Variants in FHDC1 observed in about 807,000 individuals in gnomAD.
The protein encoded by FHDC1 is FH2 domain-containing protein 1.
FHDC1 carries 25 observed loss-of-function variants against 52.6 expected under a neutral mutation model. The observed-to-expected ratio is 0.48, with a 90% CI of 0.35 to 0.66. The LOEUF (loss-of-function observed/expected upper bound fraction) is 0.66, where lower values mean the gene tolerates loss of function less well. FHDC1 is among the 30% of genes least tolerant of loss of function. The probability of loss-of-function intolerance (pLI) is 0.01; values close to 1 mark genes in which losing one functional copy is unlikely to be tolerated. For synonymous variants in FHDC1, 616 were observed against 581.5 expected (o/e 1.06, Z -0.85); for missense variants, 1,459 against 1,452.8 (o/e 1.00, Z -0.07).
At chr4:152,959,385 T>C (rs1740204790) in intron 4 of FHDC1, among the ~76,000 whole-genome samples, 1 of 152,258 alleles carries the variant, frequency 6.6e-6, no homozygotes, top group Non-Finnish European at 1.5e-5. Flanking sequence ...TTTTTGGCTA[T>C]ATACCTGTTG....
At position 152,974,666 on chromosome 4, in the gene FHDC1, A is replaced by C; in HGVS notation, c.1384-9A>C. The C allele has an allele frequency of 1.3e-6, 2 of 1,505,106 alleles. No individual in the cohort carries two copies. The highest frequency in any genetic ancestry group is 1.4e-5 in the South Asian group (1 of 72,766). The allele number at this position is 1,505,106 out of a possible 1,614,324, so 93.2% of individuals were successfully genotyped here. A position where few individuals can be genotyped will look rare whatever the true frequency, so the allele number is the denominator to read the frequency against. ...CTCATGCATCTTCGGGCTTCTCTCC[A>C]TCCCTCAGGACAACCACGACCGGGA... On this transcript the variant is annotated splice_polypyrimidine_tract_variant and intron_variant, in intron 11 of 11. Coordinates refer to ENST00000511601, the MANE Select transcript of FHDC1 (RefSeq NM_001371116.1).
chr4:152,930,906 CT>C, the FHDC1 span, among the ~76,000 whole-genome samples: 1 of 151,516 alleles, frequency 6.6e-6, no homozygotes, highest in South Asian at 2.1e-4. Flanking sequence ...CTTTGCCCAT[CT>C]TTCTATGTCC....
chr4:152,953,226 A>G (rs2149945628), intron 2 of FHDC1, among the ~76,000 whole-genome samples: 1 of 152,328 alleles, frequency 6.6e-6, no homozygotes, highest in East Asian at 1.9e-4. Context: ...GGTCGGGACC[A>G]TCTGTATATT....
intron 11 of FHDC1, among the ~76,000 whole-genome samples, chr4:152,973,877 G>A (rs943099166): frequency 2.6e-5 from 4 of 152,240 alleles, no homozygotes; most frequent in Non-Finnish European, 4.4e-5. Flanking sequence ...GTGCAGTTTC[G>A]ATGGGAAGGG....
At chr4:152,968,857 C>T (rs1374972375) in intron 10 of FHDC1, among the ~76,000 whole-genome samples, 7 of 152,168 alleles carry the variant, frequency 4.6e-5, no homozygotes, top group African/African-American at 1.7e-4. Context: ...GTCATTTCTT[C>T]ACTTGTTTAT....
In FHDC1 at chr4:152,976,027, C is replaced by G. The variant is rs548547720; in HGVS notation, c.2736C>G (p.Ser912Arg). 61 of 1,561,392 alleles carry G rather than the reference C, an allele frequency of 3.9e-5. No individual in the cohort carries two copies. The highest frequency in any genetic ancestry group is 2.6e-4 in the Admixed American group (13 of 50,918). The change falls in exon 12 of 12, where the codon AGC becomes AGG. Residue 912 changes from serine (S) to arginine (R), a missense_variant. Physicochemically the swap from Ser to Arg is moderately radical, Grantham distance 110. Around this residue, in one of 3 missense-constraint regions of FHDC1, gnomAD observed 939 missense variants for 854.5 expected, o/e 1.10. Coordinates refer to ENST00000511601, the MANE Select transcript of FHDC1 (RefSeq NM_001371116.1). ...AGGTCATGCCCATCACCAAGTCCAG[C>G]AGAGGCGCCGGCTGGAGGCGACCAG... is the stretch of plus-strand genomic sequence containing the variant. ...MRKVMPITKS[S>R]RGAGWRRPEL...
intron 1 of FHDC1, among the ~76,000 whole-genome samples, chr4:152,941,625 C>A (rs1739573817): frequency 6.6e-6 from 1 of 152,180 alleles, no homozygotes; most frequent in Non-Finnish European, 1.5e-5. Flanking sequence ...GCAGTCTATT[C>A]CTAGAATCTC....
At chr4:152,932,982 G>C (rs1306436937), upstream of FHDC1, among the ~76,000 whole-genome samples, 15 of 152,214 alleles carry the variant, frequency 9.9e-5, no homozygotes, top group Admixed American at 8.5e-4. Context: ...CCAGGGAGAG[G>C]GAAGAGCAAG....
At position 152,975,286 on chromosome 4, in the gene FHDC1, A is replaced by C. The variant is rs79729012; in HGVS notation, c.1995A>C (p.Pro665=). 1 of 1,613,600 alleles carries C rather than the reference A, an allele frequency of 6.2e-7. No homozygotes were observed. The highest frequency in any genetic ancestry group is 1.3e-5 in the African/African-American group (1 of 75,044). Residue 665 remains proline (P), a synonymous_variant, in exon 12 of 12, where the codon CCA becomes CCC. Coordinates refer to ENST00000511601, the MANE Select transcript of FHDC1 (RefSeq NM_001371116.1). ...CAGCACAGTCCCCTCCTCTCTCGCC[A>C]TTGGCTCTGGGAATTAAGGAGCATG... The part of the protein sequence containing the change: ...LGSAQSPPLS[P]LALGIKEHEL...
At position 152,963,023 on chromosome 4, in the gene FHDC1, G is replaced by A; in HGVS notation, c.922G>A (p.Gly308Arg). The A allele has an allele frequency of 1.2e-6, 2 of 1,611,770 alleles. No homozygotes were observed. Among genetic ancestry groups the A allele is most frequent in the Middle Eastern group, 3.3e-4 (2 of 6,052 alleles). ...VLQAGNIMNA[G>R]GYAGNAVGFK... ...TTTCTTTTTGATTTGTCTTCTTTAG[G>A]GAGGGTATGCCGGCAATGCAGTAGG... The change falls in exon 8 of 12, where the codon GGA (glycine) becomes AGA (arginine). Residue 308 changes from glycine (G) to arginine (R), a missense_variant and splice_region_variant. This residue lies in a region of FHDC1 where 513 missense variants were observed against 581.5 expected (regional missense o/e 0.88). Coordinates refer to ENST00000511601, the MANE Select transcript of FHDC1 (RefSeq NM_001371116.1).
At chr4:152,919,056 G>C in the FHDC1 span, among the ~76,000 whole-genome samples, 3 of 152,332 alleles carry the variant, frequency 2.0e-5, no homozygotes, top group East Asian at 3.9e-4. Flanking sequence ...AGCCCTCCTC[G>C]TGCTTTGCAC....
At position 152,975,933 on chromosome 4, in the gene FHDC1, G is replaced by A. The variant is rs867998095; in HGVS notation, c.2642G>A (p.Arg881Gln). ...GGGGCCTCCAAGCCCGGGAGCGCCC[G>A]GCGGAGCCAGGGGGCAGTGGCCAAG... ...SPGASKPGSA[R>Q]RSQGAVAKSV... The change falls in exon 12 of 12, where the codon CGG (arginine) becomes CAG (glutamine). Residue 881 changes from arginine to glutamine, a missense_variant. Arg to Gln is a conservative substitution (Grantham distance 43). Transcript: ENST00000511601. The A allele has an allele frequency of 7.9e-6, 12 of 1,514,038 alleles. No homozygotes were observed. The Middle Eastern group carries it at 5.4e-4, about 68-fold the overall frequency. The allele number at this position is 1,514,038 out of a possible 1,614,324, so 93.8% of individuals were successfully genotyped here. A position where few individuals can be genotyped will look rare whatever the true frequency, so the allele number is the denominator to read the frequency against.
chr4:152,930,997 A>ACACACACACTCTCTCT, the FHDC1 span, among the ~76,000 whole-genome samples: 3 of 113,146 alleles, frequency 2.7e-5, no homozygotes, highest in African/African-American at 1.0e-4. Context: ...ACACACACAC[A>ACACACACACTCTCTCT]CTCTCTCTCT....
chr4:152,953,507 T>C lies in FHDC1; in HGVS notation c.507T>C (p.Ile169=). 1 of 1,612,496 alleles carries C rather than the reference T, an allele frequency of 6.2e-7. No individual in the cohort carries two copies. Among genetic ancestry groups the C allele is most frequent in the South Asian group, 1.1e-5 (1 of 91,030 alleles). Residue 169 remains isoleucine, a synonymous_variant, in exon 3 of 12, where the codon ATT becomes ATC. Coordinates refer to ENST00000511601, the MANE Select transcript of FHDC1 (RefSeq NM_001371116.1). The stretch of plus-strand genomic sequence containing the variant: ...CTTATTTTTTTTTCCAGATTACTAT[T>C]TTGGATGCAAAACGGAGCATGAACA... The part of the protein sequence containing the change: ...SFREAREEIT[I]LDAKRSMNIG...
intron 7 of FHDC1, 36 bp downstream of exon 7, chr4:152,962,920 T>C: frequency 6.2e-7 from 1 of 1,604,258 alleles, no homozygotes; most frequent in South Asian, 1.1e-5. Context: ...ATGTTATGTT[T>C]TCAACCTTGT....
chr4:152,914,013 TA>T, the FHDC1 span, among the ~76,000 whole-genome samples: 1 of 152,122 alleles, frequency 6.6e-6, no homozygotes, highest in African/African-American at 2.4e-5. Flanking sequence ...CAAATTTAGG[TA>T]TTTTCAAAAA....
chr4:152,975,500 C>A lies in FHDC1; in HGVS notation c.2209C>A (p.Pro737Thr). ...MGRDALGSLS[P>T]ALEDGKAAPD... ...CAGAGATGCCCTGGGGAGTCTCAGCCCAGCGCTGGAGGATGGCAAGGCTGC... is the reference window on the plus strand; with the variant it reads ...CAGAGATGCCCTGGGGAGTCTCAGCACAGCGCTGGAGGATGGCAAGGCTGC... The change falls in exon 12 of 12, where the codon CCA (proline) becomes ACA (threonine). Residue 737 changes from proline to threonine, a missense_variant. Transcript: ENST00000511601. 4.3e-6 allele frequency: 7 copies of A among 1,613,444 alleles called. No individual in the cohort carries two copies. The highest frequency in any genetic ancestry group is 5.9e-6 in the Non-Finnish European group (7 of 1,180,000).
chr4:152,972,519 C>T lies in FHDC1; in HGVS notation c.1361C>T (p.Thr454Ile). ...TTTCAGATATTTAGAGATTTCTGTA[C>T]CAAATTCAACAAAGCAGTTAAGGTA... ...ECFQIFRDFCTKFNKAVKDNH... is the reference protein window; with the variant it reads ...ECFQIFRDFCIKFNKAVKDNH... Residue 454 changes from threonine to isoleucine, a missense_variant, in exon 11 of 12, where the codon ACC (threonine) becomes ATC (isoleucine). Around this residue, in one of 3 missense-constraint regions of FHDC1, gnomAD observed 513 missense variants for 581.5 expected, o/e 0.88. Transcript: ENST00000511601. 1 of 1,606,840 alleles carries T rather than the reference C, an allele frequency of 6.2e-7. No homozygotes were observed. Among genetic ancestry groups the T allele is most frequent in the South Asian group, 1.1e-5 (1 of 89,172 alleles).
chr4:152,924,664 G>A, the FHDC1 span, among the ~76,000 whole-genome samples: 1 of 152,060 alleles, frequency 6.6e-6, no homozygotes, highest in African/African-American at 2.4e-5. Context: ...TATACACCAT[G>A]GAATACTGTG....
Sources: gnomAD v4.1 joint callset for allele counts (sites outside exome capture counted in the v4.1 genomes callset) on GRCh38, gnomAD v4.1.1 for gene constraint, gnomAD v4.1.1 regional missense constraint, MANE v1.5 for transcripts, NCBI Gene and HGNC (gene_info 2026-07-23, HGNC 2026-07-21) for gene names.